Variants in IQCK observed in about 807,000 individuals in gnomAD.
The protein encoded by IQCK is IQ domain-containing protein K.
A neutral mutation model predicts 28.1 loss-of-function variants in IQCK; 29 were observed. That is an observed-to-expected ratio of 1.03 (90% CI 0.77 to 1.41). The LOEUF (loss-of-function observed/expected upper bound fraction) is 1.41. Ranked by LOEUF, IQCK falls within the 40% of genes most tolerant of loss-of-function variation. The pLI is 0.00. For missense variants in IQCK, 359 were observed against 314.7 expected (o/e 1.14, Z -1.07); for synonymous variants, 113 against 115.1 (o/e 0.98, Z 0.12).
chr16:19,843,537 T>G (rs548589342), intron 9 of IQCK, among the ~76,000 whole-genome samples: 1 of 152,390 alleles, frequency 6.6e-6, no homozygotes, highest in Non-Finnish European at 1.5e-5. Context: ...CTGTAGCATG[T>G]GTCAGTACTT....
At chr16:19,756,581 G>A (rs547761499) in intron 4 of IQCK, among the ~76,000 whole-genome samples, 9 of 152,030 alleles carry the variant, frequency 5.9e-5, no homozygotes, top group African/African-American at 1.4e-4. Context: ...AGTGAGATTC[G>A]TGTCCTTATA....
chr16:19,856,754 C>A, exon 10 of IQCK: 1 of 550,378 alleles, frequency 1.8e-6, no homozygotes, highest in Non-Finnish European at 3.2e-6. Flanking sequence ...TCACTTTCTG[C>A]ATTATCCCCA....
In IQCK at chr16:19,729,790, A is replaced by G. The variant is rs993127452; in HGVS notation, c.182-640A>G. Among the ~76,000 whole-genome samples the G allele has an allele frequency of 2.6e-4, 39 of 151,020 alleles. No homozygotes were observed. The South Asian group carries it at 5.9e-3, about 23-fold the overall frequency. On this transcript the variant is annotated intron_variant, in intron 1 of 7. Transcript: ENST00000564186. The stretch of plus-strand genomic sequence containing the variant: ...TTCCCGAGTAGCTGGGACTACAGGC[A>G]CCCACCACCATGCCCAGCTAATTTT...
Position 19,839,748 on chromosome 16 carries a change from C to A in IQCK, c.802+12611C>A, listed in dbSNP as rs149613659. ...CAGTGGCTCACACCTGTAATCCCAG[C>A]ACTTTGGGAGGCCAAGTTGGGAGGA... On this transcript the variant is annotated intron_variant, in intron 9 of 9. Coordinates refer to the IQCK transcript ENST00000320394. 5.9e-3 allele frequency among the ~76,000 whole-genome samples: 892 copies of A among 152,224 alleles called. 5 individuals are homozygous for A. The highest frequency in any genetic ancestry group is 0.02 in the African/African-American group (846 of 41,552).
chr16:19,758,589 A>G (rs1357406881), intron 4 of IQCK, among the ~76,000 whole-genome samples: 1 of 151,918 alleles, frequency 6.6e-6, no homozygotes, highest in African/African-American at 2.4e-5. Context: ...TGTTTAAATT[A>G]TTATACGGCA....
intron 9 of IQCK, among the ~76,000 whole-genome samples, chr16:19,837,296 G>T (rs144568928): frequency 1.2e-3 from 187 of 152,278 alleles, no homozygotes; most frequent in African/African-American, 4.3e-3. Flanking sequence ...AGCTACTTGG[G>T]AGGCTGAGGC....
intron 4 of IQCK, among the ~76,000 whole-genome samples, chr16:19,741,640 T>A (rs1369477420): frequency 1.3e-5 from 2 of 152,098 alleles, no homozygotes; most frequent in East Asian, 3.9e-4. Context: ...AGCATTAAAG[T>A]TTAAATTGTA....
chr16:19,734,459 CAAAAAAAA>C lies in IQCK; in HGVS notation c.376+645_376+652del, dbSNP rs34178017. On this transcript the variant is annotated intron_variant, in intron 3 of 7. Coordinates refer to ENST00000564186, the Ensembl canonical transcript of IQCK. ...TGGGCAACAGACTAAGACTCCATCACAAAAAAAAAAAAAAAAAAAATTATCCAGGCATG... is the reference window on the plus strand; with the variant it reads ...TGGGCAACAGACTAAGACTCCATCACAAAAAAAAAAAATTATCCAGGCATG... Among the ~76,000 whole-genome samples the C allele has an allele frequency of 8.0e-5, 4 of 50,254 alleles. No homozygotes were observed. In the East Asian group the frequency reaches 2.4e-3, roughly 30 times the overall value. The allele number at this position is 50,254 out of a possible 152,430, so 33.0% of individuals were successfully genotyped here.
At chr16:19,744,571 AT>A (rs1004053775) in intron 4 of IQCK, among the ~76,000 whole-genome samples, 1 of 152,266 alleles carries the variant, frequency 6.6e-6, no homozygotes, top group African/African-American at 2.4e-5. Flanking sequence ...TCCATGAATT[AT>A]CTCAGCCTGA....
chr16:19,739,868 C>G (rs1290317651), intron 4 of IQCK, among the ~76,000 whole-genome samples: 3 of 152,230 alleles, frequency 2.0e-5, no homozygotes, highest in Non-Finnish European at 2.9e-5. Context: ...TGCGTCAGCA[C>G]TGGCATCCTA....
chr16:19,827,260 A>G, downstream of IQCK: 1 of 667,518 alleles, frequency 1.5e-6, no homozygotes, highest in Non-Finnish European at 2.7e-6. Context: ...CAGCTTGTGC[A>G]TGGGGGAAGT....
At chr16:19,840,333 G>A (rs771566439) in intron 9 of IQCK, among the ~76,000 whole-genome samples, 7 of 152,118 alleles carry the variant, frequency 4.6e-5, no homozygotes, top group Non-Finnish European at 8.8e-5. Flanking sequence ...TCCAGCCTGG[G>A]CGACAGAGCG....
chr16:19,759,478 G>A (rs950511348), intron 4 of IQCK, among the ~76,000 whole-genome samples: 1 of 152,094 alleles, frequency 6.6e-6, no homozygotes, highest in Non-Finnish European at 1.5e-5. Flanking sequence ...CAAAGTGCTG[G>A]GATTACAGGT....
At chr16:19,770,033 G>T (rs187661568) in intron 6 of IQCK, among the ~76,000 whole-genome samples, 5 of 152,162 alleles carry the variant, frequency 3.3e-5, no homozygotes, top group African/African-American at 1.2e-4. Flanking sequence ...GATGATTCCT[G>T]TCTGGGGCAC....
chr16:19,816,236 G>A (rs867538765), intron 7 of IQCK, among the ~76,000 whole-genome samples: 1 of 152,106 alleles, frequency 6.6e-6, no homozygotes, highest in Non-Finnish European at 1.5e-5. Flanking sequence ...CAGAGTCCCA[G>A]GCAACAGTCT....
At chr16:19,741,578 G>C (rs1179300810) in intron 4 of IQCK, among the ~76,000 whole-genome samples, 2 of 152,182 alleles carry the variant, frequency 1.3e-5, no homozygotes, top group Non-Finnish European at 2.9e-5. Flanking sequence ...AGCTACTCCT[G>C]AGACTAAATG....
chr16:19,775,243 AAAG>A (rs2055374951), intron 6 of IQCK, among the ~76,000 whole-genome samples: 3 of 151,642 alleles, frequency 2.0e-5, no homozygotes, highest in African/African-American at 4.9e-5. Context: ...AAAAAAAAAA[AAAG>A]AAGACTTTTT....
At chr16:19,811,912 G>T (rs1336717032) in intron 7 of IQCK, among the ~76,000 whole-genome samples, 2 of 152,026 alleles carry the variant, frequency 1.3e-5, no homozygotes, top group Non-Finnish European at 2.9e-5. Flanking sequence ...CAGGGAAAGG[G>T]TCTGGGATTC....
At chr16:19,722,796 A>G (rs1977536357) in intron 1 of IQCK, among the ~76,000 whole-genome samples, 1 of 150,600 alleles carries the variant, frequency 6.6e-6, no homozygotes, top group Admixed American at 6.6e-5. Flanking sequence ...TGCTTACTTC[A>G]ACTTCCACCT....
Sources: allele counts gnomAD v4.1 joint callset (sites outside exome capture counted in the v4.1 genomes callset), GRCh38; gene constraint gnomAD v4.1.1; transcripts MANE v1.5; gene names NCBI Gene and HGNC (gene_info 2026-07-23, HGNC 2026-07-21).